STMN2: variants seen among roughly 807,000 people sequenced by gnomAD.
The protein encoded by STMN2 is stathmin 2.
A neutral mutation model predicts 24.1 loss-of-function variants in STMN2; 2 were observed. The ratio of observed to expected loss-of-function variants is 0.08; its 90% CI spans 0.03 to 0.26. The LOEUF (loss-of-function observed/expected upper bound fraction) is 0.26. STMN2 is among the 10% of genes least tolerant of loss of function. The probability of loss-of-function intolerance (pLI) is 1.00; values close to 1 mark genes in which losing one functional copy is unlikely to be tolerated. For missense variants in STMN2, 114 were observed against 213.6 expected (o/e 0.53, Z 2.91); for synonymous variants, 83 against 77.5 (o/e 1.07, Z -0.37).
chr8:79,620,909 G>A, intron 1 of STMN2: 1 of 955,796 alleles, frequency 1.0e-6, no homozygotes, highest in Non-Finnish European at 1.2e-6. Flanking sequence ...AAGCTCCCAG[G>A]TGGTGCTGAT....
chr8:79,641,297 A>G, intron 2 of STMN2, 81 bp from the exon 3 acceptor site: 2 of 1,460,278 alleles, frequency 1.4e-6, no homozygotes, highest in Middle Eastern at 1.8e-4. Context: ...CGCTACTTCC[A>G]ATTGCTGGAA....
intron 1 of STMN2, among the ~76,000 whole-genome samples, chr8:79,612,911 G>C (rs574826258): frequency 2.8e-4 from 42 of 152,138 alleles, no homozygotes; most frequent in Non-Finnish European, 5.4e-4. Flanking sequence ...AACGGCCCGA[G>C]CACCCCTTGA....
rs563656430 is a variant in STMN2, at chr8:79,649,321, A to G, written c.289-5550A>G. Among the ~76,000 whole-genome samples, 4 of 152,128 alleles carry G rather than the reference A, an allele frequency of 2.6e-5. No individual in the cohort carries two copies. The South Asian group carries it at 6.3e-4, about 24-fold the overall frequency. ...TTCTCGGTGAAGAAGAGCACCCCCA[A>G]GTTTCTTTTCCTAGGAGCTAACCAC... On this transcript the variant is annotated intron_variant, in intron 3 of 4. Transcript: ENST00000220876.
intron 1 of STMN2, among the ~76,000 whole-genome samples, chr8:79,618,485 GAATAA>G (rs1447993665): frequency 2.8e-4 from 43 of 152,180 alleles, no homozygotes; most frequent in African/African-American, 8.4e-4. Flanking sequence ...ACATTTTGTT[GAATAA>G]AATAAATTTA....
chr8:79,636,976 C>T lies in STMN2; in HGVS notation c.115+79C>T, dbSNP rs920934078. On this transcript the variant is annotated intron_variant, in intron 2 of 4. Coordinates refer to ENST00000220876, the MANE Select transcript of STMN2 (RefSeq NM_007029.4). The stretch of plus-strand genomic sequence containing the variant: ...GACATATATTTGTTTCTTACAGCTC[C>T]TGATATAATTACATCAATATTTTGT... The T allele has an allele frequency of 2.3e-6, 3 of 1,296,140 alleles. No individual in the cohort carries two copies. In the African/African-American group the frequency reaches 4.4e-5, roughly 19 times the overall value. The allele number at this position is 1,296,140 out of a possible 1,614,324, so 80.3% of individuals were successfully genotyped here.
rs895538921 is a variant in STMN2, at chr8:79,612,319, T to C, written c.19+1105T>C. Among the ~76,000 whole-genome samples, 3 of 152,132 alleles carry C rather than the reference T, an allele frequency of 2.0e-5. No individual in the cohort carries two copies. In the East Asian group the frequency reaches 5.8e-4, roughly 29 times the overall value. ...TTTTTCTTTTCGGAAGCAAATTACA[T>C]AGAGTGTTTAGACATAGACACAGAT... On this transcript the variant is annotated intron_variant, in intron 1 of 4. Coordinates refer to ENST00000220876, the MANE Select transcript of STMN2 (RefSeq NM_007029.4).
At chr8:79,616,111 A>G (rs533286305) in intron 1 of STMN2, among the ~76,000 whole-genome samples, 3 of 152,320 alleles carry the variant, frequency 2.0e-5, no homozygotes, top group Admixed American at 6.5e-5. Flanking sequence ...AGCGAGTAAA[A>G]CAGGCAGGTA....
chr8:79,654,453 T>C (rs548866762), intron 3 of STMN2, among the ~76,000 whole-genome samples: 31 of 152,080 alleles, frequency 2.0e-4, no homozygotes, highest in Non-Finnish European at 4.4e-4. Flanking sequence ...CTACAGTTGA[T>C]GAAAAAACAA....
chr8:79,643,643 CA>C (rs144646190), intron 3 of STMN2, among the ~76,000 whole-genome samples: 59 of 152,146 alleles, frequency 3.9e-4, no homozygotes, highest in African/African-American at 1.3e-3. Flanking sequence ...CTGGGATCAA[CA>C]AAATTAACTA....
chr8:79,624,360 A>T (rs1809594954), intron 1 of STMN2, among the ~76,000 whole-genome samples: 2 of 148,748 alleles, frequency 1.3e-5, no homozygotes, highest in South Asian at 4.4e-4. Flanking sequence ...AGGCTGAGGC[A>T]GGAGAATGGC....
At chr8:79,635,321 C>T (rs1365500378) in intron 1 of STMN2, among the ~76,000 whole-genome samples, 1 of 152,100 alleles carries the variant, frequency 6.6e-6, no homozygotes. Context: ...GAGCTCAGAT[C>T]GAGGGCTTTG....
chr8:79,625,639 TTAA>T (rs768708932), intron 1 of STMN2, among the ~76,000 whole-genome samples: 7 of 152,140 alleles, frequency 4.6e-5, no homozygotes, highest in Admixed American at 6.5e-5. Context: ...GCAAAGCCCC[TTAA>T]AACTTCAAAA....
At chr8:79,617,583 G>A (rs1304799626) in intron 1 of STMN2, among the ~76,000 whole-genome samples, 1 of 152,194 alleles carries the variant, frequency 6.6e-6, no homozygotes, top group Non-Finnish European at 1.5e-5. Flanking sequence ...TACATTGAAG[G>A]AAAGGAAGAC....
chr8:79,630,040 T>C (rs916349020), intron 1 of STMN2, among the ~76,000 whole-genome samples: 3 of 152,194 alleles, frequency 2.0e-5, no homozygotes, highest in Non-Finnish European at 4.4e-5. Flanking sequence ...ATGATATAAC[T>C]AATAGGTTTG....
In STMN2 at chr8:79,613,803, A is replaced by T. The variant is rs1403616885; in HGVS notation, c.19+2589A>T. 5.1e-6 allele frequency: 5 copies of T among 985,262 alleles called. No individual in the cohort carries two copies. The African/African-American group carries it at 7.0e-5, about 14-fold the overall frequency. 61.0% of individuals were successfully genotyped at this position (985,262 alleles called of 1,614,324 possible). A position where few individuals can be genotyped will look rare whatever the true frequency, so the allele number is the denominator to read the frequency against. ...GTTCATTTTAAGTTATAAAGCAAAT[A>T]TATTTTTGCTTCCTGCCAGGATTAT... On this transcript the variant is annotated intron_variant, in intron 1 of 4. Coordinates refer to ENST00000220876, the MANE Select transcript of STMN2 (RefSeq NM_007029.4).
intron 3 of STMN2, among the ~76,000 whole-genome samples, chr8:79,648,567 A>G (rs146859887): frequency 5.3e-4 from 79 of 149,390 alleles, no homozygotes; most frequent in African/African-American, 1.8e-3. Flanking sequence ...GGTTCAAGCA[A>G]TTCTCCTGCC....
At chr8:79,658,596 G>A (rs114006402) in intron 4 of STMN2, among the ~76,000 whole-genome samples, 1,653 of 152,162 alleles carry the variant, frequency 0.011, 35 homozygotes, top group African/African-American at 0.037. Context: ...TACACCATGC[G>A]CCCACCCTTA....
At chr8:79,613,569 G>A in intron 1 of STMN2, 2 of 985,482 alleles carry the variant, frequency 2.0e-6, no homozygotes, top group Non-Finnish European at 2.4e-6. Context: ...CTGCAGGCTA[G>A]TGGCTGCAAA....
At chr8:79,656,184 G>C (rs1208613335) in intron 4 of STMN2, among the ~76,000 whole-genome samples, 2 of 152,206 alleles carry the variant, frequency 1.3e-5, no homozygotes, top group Non-Finnish European at 2.9e-5. Flanking sequence ...ATTGCATGGA[G>C]ATCTTCATTT....
Sources: allele counts gnomAD v4.1 joint callset (sites outside exome capture counted in the v4.1 genomes callset), GRCh38; gene constraint gnomAD v4.1.1; transcripts MANE v1.5; gene names NCBI Gene and HGNC (gene_info 2026-07-23, HGNC 2026-07-21).